GALNT9: variants seen among roughly 807,000 people sequenced by gnomAD.
GALNT9 encodes the protein GalNAc transferase 9.
GALNT9 carries 47 observed loss-of-function variants against 63.1 expected under a neutral mutation model. The ratio of observed to expected loss-of-function variants is 0.75; its 90% CI spans 0.59 to 0.95. The LOEUF (loss-of-function observed/expected upper bound fraction) is 0.95, where lower values mean the gene tolerates loss of function less well. GALNT9 is among the 40% of genes least tolerant of loss of function. GALNT9 has a pLI of 0.00. For synonymous variants in GALNT9, 396 were observed against 365.7 expected, an observed-to-expected ratio of 1.08 and a Z score of -0.94; for missense variants, 829 against 874.8, an observed-to-expected ratio of 0.95 and a Z score of 0.66.
intron 6 of GALNT9, among the ~76,000 whole-genome samples, chr12:132,208,288 C>T (rs376264459): frequency 6.6e-5 from 10 of 152,232 alleles, no homozygotes; most frequent in Non-Finnish European, 1.0e-4. Flanking sequence ...GCAGGAGGCC[C>T]GGGCCCCTCC....
intron 1 of GALNT9, among the ~76,000 whole-genome samples, chr12:132,326,688 C>T (rs1403358414): frequency 1.3e-5 from 2 of 152,226 alleles, no homozygotes; most frequent in East Asian, 3.8e-4. Flanking sequence ...GGATTTCCCC[C>T]TCTCCTTTCT....
At chr12:132,302,566 T>C (rs1881339301) in intron 1 of GALNT9, among the ~76,000 whole-genome samples, 2 of 152,182 alleles carry the variant, frequency 1.3e-5, no homozygotes, top group Admixed American at 6.5e-5. Context: ...GCTGCCTGGG[T>C]GGGGCAGGTC....
chr12:132,246,344 C>G lies in GALNT9; in HGVS notation c.1077+1566G>C, dbSNP rs1374866491. Reference sequence around the variant, plus strand: ...TCCTGACATCCTTCACAGATCTGGTCTCAATTCAATTTATTAAACTAGATA... The same window carrying G: ...TCCTGACATCCTTCACAGATCTGGTGTCAATTCAATTTATTAAACTAGATA... On this transcript the variant is annotated intron_variant, in intron 6 of 10. Coordinates refer to ENST00000328957, the MANE Select transcript of GALNT9 (RefSeq NM_001122636.2). This position sits in a 1 kb window ranked among gnomAD's most constrained non-coding sequence, Gnocchi z 4.7. 6.6e-6 allele frequency among the ~76,000 whole-genome samples: 1 copy of G among 152,162 alleles called. No homozygotes were observed. The highest frequency in any genetic ancestry group is 1.5e-5 in the Non-Finnish European group (1 of 68,046).
rs1879663610 is a variant in GALNT9 at position 132,267,759 on chromosome 12, A to ACACATGCACT, written c.420-5135_420-5134insAGTGCATGTG. Among the ~76,000 whole-genome samples the ACACATGCACT allele has an allele frequency of 3.0e-5, 4 of 131,970 alleles. No homozygotes were observed. In the South Asian group the frequency reaches 9.2e-4, roughly 31 times the overall value. 86.6% of individuals were successfully genotyped at this position (131,970 alleles called of 152,430 possible). ...GAAATACACAAGCACACACACTCAC[A>ACACATGCACT]CACACATGCACTCACACACACGCAC... On this transcript the variant is annotated intron_variant, in intron 2 of 10. Transcript: ENST00000328957.
At chr12:132,272,452 C>G (rs1439229583) in intron 2 of GALNT9, among the ~76,000 whole-genome samples, 2 of 152,254 alleles carry the variant, frequency 1.3e-5, no homozygotes, top group Admixed American at 1.3e-4. Flanking sequence ...TGACACCCAG[C>G]AGCTGTGGAA....
At position 132,319,378 on chromosome 12, in the gene GALNT9, G is replaced by C. The variant is rs2135590056; in HGVS notation, c.238+9588C>G. ...AGACCTCCCTCTGCTCCTGCCTGTG[G>C]ACATCGGGTGGAGCTGCCAGGTCTC... On this transcript the variant is annotated intron_variant, in intron 1 of 10. Coordinates refer to ENST00000328957, the MANE Select transcript of GALNT9 (RefSeq NM_001122636.2). The surrounding 1 kb of genome is among the most constrained non-coding windows in gnomAD (Gnocchi z 5.2). 6.6e-6 allele frequency among the ~76,000 whole-genome samples: 1 copy of C among 152,290 alleles called. No homozygotes were observed. The highest frequency in any genetic ancestry group is 1.9e-4 in the East Asian group (1 of 5,174).
Position 132,197,063 on chromosome 12 carries a change from C to T in GALNT9, c.*44G>A, listed in dbSNP as rs1234055373. ...GGTCACTCAGCCACACTGGCTCGGC[C>T]CAGCGCCTTCCCGAGGTCTGTGGGG... On this transcript the variant is annotated 3_prime_UTR_variant, in exon 11 of 11. Coordinates refer to ENST00000328957, the MANE Select transcript of GALNT9 (RefSeq NM_001122636.2). The T allele has an allele frequency of 6.2e-7, 1 of 1,608,272 alleles. No homozygotes were observed. The highest frequency in any genetic ancestry group is 1.7e-4 in the Middle Eastern group (1 of 5,752).
rs576404866 is a variant in GALNT9 at position 132,204,421 on chromosome 12, A to G, written c.1078-731T>C. Among the ~76,000 whole-genome samples, 351 of 152,100 alleles carry G rather than the reference A, an allele frequency of 2.3e-3. 1 individual carries two copies. Among genetic ancestry groups the G allele is most frequent in the Non-Finnish European group, 4.3e-3 (290 of 68,006 alleles). ...TCTCCCGATTCTGGGTGGTCTGTGC[A>G]TGGCCTCTGGTGGGAGCCGTGTTTA... On this transcript the variant is annotated intron_variant, in intron 6 of 10. Transcript: ENST00000328957.
In GALNT9 at chr12:132,303,811, A is replaced by G. The variant is rs868971354; in HGVS notation, c.239-17381T>C. On this transcript the variant is annotated intron_variant, in intron 1 of 10. Transcript: ENST00000328957. ...CACACCCTCACCCAGACACACCCTCACCCGGGCACACCCTCACCGGGGCAC... is the reference window on the plus strand; with the variant it reads ...CACACCCTCACCCAGACACACCCTCGCCCGGGCACACCCTCACCGGGGCAC... 1.4e-4 allele frequency among the ~76,000 whole-genome samples: 5 copies of G among 35,568 alleles called. 1 individual carries two copies. The highest frequency in any genetic ancestry group is 1.2e-4 in the Non-Finnish European group (2 of 17,274). The allele number at this position is 35,568 out of a possible 152,430, so 23.3% of individuals were successfully genotyped here.
chr12:132,240,608 C>T (rs1555236866), intron 6 of GALNT9: 1 of 455,462 alleles, frequency 2.2e-6, no homozygotes, highest in Non-Finnish European at 4.4e-6. Flanking sequence ...CCGTGCGTGG[C>T]CCCGGGGCTC....
chr12:132,286,170 G>T lies in GALNT9; in HGVS notation c.419+80C>A. 7.1e-7 allele frequency: 1 copy of T among 1,412,532 alleles called. No individual in the cohort carries two copies. The highest frequency in any genetic ancestry group is 2.8e-5 in the East Asian group (1 of 35,112). 87.5% of individuals were successfully genotyped at this position (1,412,532 alleles called of 1,614,324 possible). A position where few individuals can be genotyped will look rare whatever the true frequency, so the allele number is the denominator to read the frequency against. ...CTCACTTCCCCGGCCGGCGTGGGGG[G>T]CAGTCACTTCCCTGGCCAGTGTGGG... On this transcript the variant is annotated intron_variant, in intron 2 of 10. Coordinates refer to ENST00000328957, the MANE Select transcript of GALNT9 (RefSeq NM_001122636.2). This position sits in a 1 kb window ranked among gnomAD's most constrained non-coding sequence, Gnocchi z 7.4.
chr12:132,243,550 A>G (rs1555237716), intron 6 of GALNT9, among the ~76,000 whole-genome samples: 1 of 151,864 alleles, frequency 6.6e-6, no homozygotes, highest in Non-Finnish European at 1.5e-5. Context: ...CCTTCCCTCC[A>G]GACACCACGT....
At chr12:132,293,244 T>G (rs782154819) in intron 1 of GALNT9, among the ~76,000 whole-genome samples, 2 of 152,122 alleles carry the variant, frequency 1.3e-5, no homozygotes, top group Non-Finnish European at 2.9e-5. Context: ...GGAAATACAG[T>G]CAGTTCTTGT....
At chr12:132,254,034 T>G (rs1444034195) in intron 5 of GALNT9, among the ~76,000 whole-genome samples, 1 of 152,174 alleles carries the variant, frequency 6.6e-6, no homozygotes, top group African/African-American at 2.4e-5. Context: ...TCTTTTTTTT[T>G]TTTTTAGACT....
chr12:132,308,407 C>T (rs1881691996), intron 1 of GALNT9, among the ~76,000 whole-genome samples: 1 of 152,246 alleles, frequency 6.6e-6, no homozygotes, highest in Non-Finnish European at 1.5e-5. Context: ...AAACACCCTG[C>T]CCCGGGCCCC....
At position 132,329,383 on chromosome 12, in the gene GALNT9, C is replaced by A; in HGVS notation, c.-180G>T. ...CGCCGGGCCACGGCCGCCGGGGGTC[C>A]CCCAGAGCGCAGAGGGCTGCCCGGG... On this transcript the variant is annotated 5_prime_UTR_variant, in exon 1 of 11. Transcript: ENST00000328957. 2.2e-6 allele frequency: 2 copies of A among 926,290 alleles called. No individual in the cohort carries two copies. The highest frequency in any genetic ancestry group is 2.9e-6 in the Non-Finnish European group (2 of 684,228). The allele number at this position is 926,290 out of a possible 1,614,324, so 57.4% of individuals were successfully genotyped here. A position where few individuals can be genotyped will look rare whatever the true frequency, so the allele number is the denominator to read the frequency against.
chr12:132,267,945 TCA>T (rs1377594399), intron 2 of GALNT9, among the ~76,000 whole-genome samples: 11 of 118,744 alleles, frequency 9.3e-5, no homozygotes, highest in African/African-American at 3.3e-4. Context: ...ACACACGCAC[TCA>T]CATACAGTCA....
intron 6 of GALNT9, among the ~76,000 whole-genome samples, chr12:132,237,544 C>T (rs1878049950): frequency 1.3e-5 from 2 of 152,072 alleles, no homozygotes; most frequent in African/African-American, 4.8e-5. Flanking sequence ...CCTACCTACG[C>T]CTACTCACAA....
chr12:132,303,389 AG>A (rs1881388687), intron 1 of GALNT9, among the ~76,000 whole-genome samples: 2 of 139,210 alleles, frequency 1.4e-5, no homozygotes, highest in African/African-American at 6.1e-5. Flanking sequence ...TCCGGGGCAC[AG>A]CCTCGCCCGG....
Sources: allele counts gnomAD v4.1 joint callset (sites outside exome capture counted in the v4.1 genomes callset), GRCh38; gene constraint gnomAD v4.1.1; non-coding constraint Gnocchi (gnomAD v3.1); transcripts MANE v1.5; gene names NCBI Gene and HGNC (gene_info 2026-07-23, HGNC 2026-07-21).